The following GPHN variants were observed in gnomAD, a reference collection of about 807,000 sequenced individuals.
The protein encoded by GPHN is gephyrin.
In GPHN, 17 loss-of-function variants were observed where a neutral mutation model predicts 95.5. The observed-to-expected ratio is 0.18, with a 90% CI of 0.12 to 0.27. The LOEUF (loss-of-function observed/expected upper bound fraction) is 0.27. Ranked by LOEUF, GPHN falls within the 10% of genes least tolerant of loss-of-function variation. The pLI is 1.00. For synonymous variants in GPHN, 320 were observed against 322.5 expected (o/e 0.99, Z 0.08); for missense variants, 660 against 978.1 (o/e 0.67, Z 4.34).
At chr14:67,020,718 T>G (rs902517557) in intron 9 of GPHN, among the ~76,000 whole-genome samples, 7 of 152,166 alleles carry the variant, frequency 4.6e-5, no homozygotes, top group African/African-American at 7.2e-5. Context: ...TATTTTAGTT[T>G]TGATTCCAGT....
chr14:67,151,342 C>T (rs1004970532), intron 18 of GPHN, among the ~76,000 whole-genome samples: 2 of 152,142 alleles, frequency 1.3e-5, no homozygotes, highest in African/African-American at 4.8e-5. Context: ...TCAGAATGGA[C>T]AATAAGAGAA....
intron 9 of GPHN, among the ~76,000 whole-genome samples, chr14:67,003,691 A>G (rs1264610595): frequency 6.6e-6 from 1 of 151,740 alleles, no homozygotes; most frequent in Non-Finnish European, 1.5e-5. Flanking sequence ...GTATGCCAAT[A>G]TCATTAAATT....
the GPHN span, among the ~76,000 whole-genome samples, chr14:67,252,256 C>G: frequency 6.6e-6 from 1 of 152,212 alleles, no homozygotes; most frequent in South Asian, 2.1e-4. Context: ...GTGGCATGAT[C>G]ATAGCTCACT....
chr14:67,691,132 T>C, the GPHN span: 1 of 1,602,814 alleles, frequency 6.2e-7, no homozygotes, highest in Non-Finnish European at 8.5e-7. Context: ...TAAGGCCAGA[T>C]TTCTTACCCA....
chr14:67,255,096 C>T, the GPHN span, among the ~76,000 whole-genome samples: 1 of 152,146 alleles, frequency 6.6e-6, no homozygotes, highest in Non-Finnish European at 1.5e-5. Flanking sequence ...TTGCAGTGAG[C>T]CAGGATTGTG....
At chr14:67,641,284 A>AAT in the GPHN span, among the ~76,000 whole-genome samples, 1 of 152,174 alleles carries the variant, frequency 6.6e-6, no homozygotes, top group African/African-American at 2.4e-5. Context: ...AAGATATCTC[A>AAT]ATATATATAT....
At chr14:67,631,437 T>TC in the GPHN span, among the ~76,000 whole-genome samples, 17 of 145,442 alleles carry the variant, frequency 1.2e-4, no homozygotes, top group East Asian at 2.4e-3. Flanking sequence ...TTTCTTTCTT[T>TC]TTTTTTTTTT....
chr14:66,711,517 T>C (rs2153422290), intron 2 of GPHN, among the ~76,000 whole-genome samples: 1 of 152,232 alleles, frequency 6.6e-6, no homozygotes. Context: ...CCAAGTGTCT[T>C]TTTCATATAA....
the GPHN span, among the ~76,000 whole-genome samples, chr14:67,439,697 C>T: frequency 6.6e-6 from 1 of 152,054 alleles, no homozygotes; most frequent in African/African-American, 2.4e-5. Flanking sequence ...TCCAGTTTAG[C>T]GCAATATAGA....
At chr14:67,444,460 C>T in the GPHN span, among the ~76,000 whole-genome samples, 2 of 152,082 alleles carry the variant, frequency 1.3e-5, no homozygotes, top group Non-Finnish European at 2.9e-5. Flanking sequence ...AATTTAGGAA[C>T]CATATAGTAT....
chr14:66,665,983 C>T (rs555633331), intron 1 of GPHN, among the ~76,000 whole-genome samples: 2 of 151,990 alleles, frequency 1.3e-5, no homozygotes, highest in African/African-American at 4.8e-5. Flanking sequence ...CCATCATTCT[C>T]AGTAAACTAT....
chr14:67,043,488 T>A (rs2074827854), intron 10 of GPHN, among the ~76,000 whole-genome samples: 1 of 152,166 alleles, frequency 6.6e-6, no homozygotes, highest in Non-Finnish European at 1.5e-5. Flanking sequence ...ATTAAGATAA[T>A]CGTGTTTTTT....
the GPHN span, among the ~76,000 whole-genome samples, chr14:67,324,638 G>T: frequency 6.6e-6 from 1 of 152,108 alleles, no homozygotes; most frequent in African/African-American, 2.4e-5. Context: ...AGGCTGGAGT[G>T]TAGTGGCATG....
At chr14:66,640,295 GC>G (rs2064323922) in intron 1 of GPHN, among the ~76,000 whole-genome samples, 1 of 152,098 alleles carries the variant, frequency 6.6e-6, no homozygotes, top group South Asian at 2.1e-4. Context: ...GGTGGCACGT[GC>G]CTGTAATCCC....
chr14:67,382,870 T>G, the GPHN span, among the ~76,000 whole-genome samples: 1 of 151,992 alleles, frequency 6.6e-6, no homozygotes, highest in Non-Finnish European at 1.5e-5. Context: ...GTCTTTTCCT[T>G]GTCCAACAAG....
chr14:67,382,737 C>CG, the GPHN span: 42 of 841,316 alleles, frequency 5.0e-5, 1 homozygote, highest in South Asian at 6.9e-4. Context: ...AGGGTCACCC[C>CG]CCGTCCCCAG....
At chr14:67,170,145 A>T (rs563530563) in intron 21 of GPHN, among the ~76,000 whole-genome samples, 18 of 152,268 alleles carry the variant, frequency 1.2e-4, no homozygotes, top group African/African-American at 2.2e-4. Context: ...TAAAAACATT[A>T]AAAAAATCTA....
At chr14:67,659,101 T>C in the GPHN span, among the ~76,000 whole-genome samples, 1 of 152,228 alleles carries the variant, frequency 6.6e-6, no homozygotes, top group African/African-American at 2.4e-5. Flanking sequence ...GGTTTCAGAA[T>C]ACAGATGTTC....
chr14:66,918,257 A>G (rs1215205897), intron 6 of GPHN, among the ~76,000 whole-genome samples: 2 of 152,128 alleles, frequency 1.3e-5, no homozygotes, highest in Non-Finnish European at 2.9e-5. Flanking sequence ...TCTGGCGTCA[A>G]TCTGTGATAC....
Sources: gnomAD v4.1 joint callset for allele counts (sites outside exome capture counted in the v4.1 genomes callset) on GRCh38, gnomAD v4.1.1 for gene constraint, MANE v1.5 for transcripts, NCBI Gene and HGNC (gene_info 2026-07-23, HGNC 2026-07-21) for gene names.